ANKS1B: variants seen among roughly 807,000 people sequenced by gnomAD.
ANKS1B encodes ankyrin repeat and sterile alpha motif domain-containing protein 1B.
Under a neutral mutation model 148.3 loss-of-function variants are expected in ANKS1B, and 36 were observed. That is an observed-to-expected ratio of 0.24 (90% CI 0.19 to 0.32). The LOEUF (loss-of-function observed/expected upper bound fraction) is 0.32, where lower values mean the gene tolerates loss of function less well. ANKS1B is among the 10% of genes least tolerant of loss of function. The pLI, the probability that ANKS1B is intolerant of heterozygous loss-of-function variation, is 1.00. For missense variants in ANKS1B, 1,157 were observed against 1,542.6 expected (o/e 0.75, Z 4.19); for synonymous variants, 542 against 560.8 (o/e 0.97, Z 0.47).
intron 8 of ANKS1B, among the ~76,000 whole-genome samples, chr12:99,692,702 G>T (rs548330523): frequency 6.6e-6 from 1 of 150,574 alleles, no homozygotes; most frequent in Non-Finnish European, 1.5e-5. Context: ...AAAAAGAAAT[G>T]AATCAGGGAT....
At chr12:99,355,105 T>C (rs932190433) in intron 12 of ANKS1B, among the ~76,000 whole-genome samples, 1 of 152,160 alleles carries the variant, frequency 6.6e-6, no homozygotes, top group Non-Finnish European at 1.5e-5. Flanking sequence ...TGTTATTTCC[T>C]TTAATTGATA....
At chr12:99,422,666 T>C (rs1312645166) in intron 11 of ANKS1B, among the ~76,000 whole-genome samples, 3 of 152,096 alleles carry the variant, frequency 2.0e-5, no homozygotes, top group Non-Finnish European at 4.4e-5. Context: ...GTGTTCGGGA[T>C]ACAAAAAGGA....
At chr12:99,948,002 G>T (rs755347075) in intron 1 of ANKS1B, among the ~76,000 whole-genome samples, 2 of 152,086 alleles carry the variant, frequency 1.3e-5, no homozygotes, top group African/African-American at 2.4e-5. Flanking sequence ...CTGTTCAAAG[G>T]CCCATGTGAC....
At chr12:99,409,800 A>T (rs570802148) in intron 11 of ANKS1B, among the ~76,000 whole-genome samples, 3 of 139,004 alleles carry the variant, frequency 2.2e-5, no homozygotes, top group South Asian at 4.7e-4. Context: ...GATTTAATAT[A>T]ATTTTTACTA....
At chr12:99,275,336 G>A (rs930821474) in intron 12 of ANKS1B, among the ~76,000 whole-genome samples, 1 of 151,684 alleles carries the variant, frequency 6.6e-6, no homozygotes, top group Non-Finnish European at 1.5e-5. Context: ...ACCACCCCCT[G>A]TCCCCACTAT....
chr12:98,866,890 T>C (rs945073321), intron 17 of ANKS1B, among the ~76,000 whole-genome samples: 21 of 152,174 alleles, frequency 1.4e-4, no homozygotes, highest in Admixed American at 1.3e-3. Context: ...TTTTTTGGGC[T>C]CCCCTAGTAG....
intron 8 of ANKS1B, among the ~76,000 whole-genome samples, chr12:99,683,148 T>A (rs1174169852): frequency 6.6e-6 from 1 of 152,108 alleles, no homozygotes; most frequent in Admixed American, 6.6e-5. Flanking sequence ...AATTATCACC[T>A]ACTGGGTCCC....
intron 17 of ANKS1B, among the ~76,000 whole-genome samples, chr12:98,999,965 C>T (rs2099931927): frequency 6.6e-6 from 1 of 152,138 alleles, no homozygotes; most frequent in African/African-American, 2.4e-5. Flanking sequence ...GTGATGATCT[C>T]TTCCTAACTC....
intron 22 of ANKS1B, among the ~76,000 whole-genome samples, chr12:98,782,748 T>C (rs2098749899): frequency 6.6e-6 from 1 of 152,258 alleles, no homozygotes; most frequent in East Asian, 1.9e-4. Context: ...TGTTGTTGTA[T>C]ACAGGATGTG....
At chr12:99,828,788 A>T (rs2083527581) in intron 1 of ANKS1B, among the ~76,000 whole-genome samples, 1 of 152,036 alleles carries the variant, frequency 6.6e-6, no homozygotes, top group African/African-American at 2.4e-5. Flanking sequence ...TGGGCAGATT[A>T]CCTGGTCAAC....
intron 14 of ANKS1B, among the ~76,000 whole-genome samples, chr12:99,177,974 T>G (rs1454860936): frequency 1.3e-5 from 2 of 152,236 alleles, no homozygotes; most frequent in Non-Finnish European, 2.9e-5. Flanking sequence ...GTGGCACGTG[T>G]TCACTGCAAC....
chr12:99,228,987 CTTCT>C (rs1168224556), intron 14 of ANKS1B, among the ~76,000 whole-genome samples: 1 of 151,790 alleles, frequency 6.6e-6, no homozygotes, highest in Non-Finnish European at 1.5e-5. Context: ...TTTGGATATA[CTTCT>C]TTATTAAATA....
In ANKS1B at chr12:99,085,014, C is replaced by T; in HGVS notation, c.2536G>A (p.Val846Ile). 1 of 1,606,426 alleles carries T rather than the reference C, an allele frequency of 6.2e-7. No homozygotes were observed. The highest frequency in any genetic ancestry group is 1.1e-5 in the South Asian group (1 of 89,422). ...TCCAACAAATCCTGATCTTCCATAACATTGCTTCCCTGAAACAAAACAGAA... is the reference window on the plus strand; with the variant it reads ...TCCAACAAATCCTGATCTTCCATAATATTGCTTCCCTGAAACAAAACAGAA... ...FDNVQFMGSN[V>I]MEDQDLLEIG... The change falls in exon 16 of 27, where the codon GTT (valine) becomes ATT (isoleucine). Residue 846 changes from valine (V) to isoleucine (I), a missense_variant. Around this residue, in one of 6 missense-constraint regions of ANKS1B, gnomAD observed 258 missense variants for 497.0 expected, o/e 0.52. Transcript: ENST00000683438.
At chr12:99,965,853 A>C (rs1380180118) in intron 1 of ANKS1B, among the ~76,000 whole-genome samples, 1 of 152,200 alleles carries the variant, frequency 6.6e-6, no homozygotes, top group Non-Finnish European at 1.5e-5. Flanking sequence ...CAGAGCTTGC[A>C]GTGAGCCAAA....
At chr12:99,665,719 C>T (rs1204170834) in intron 8 of ANKS1B, among the ~76,000 whole-genome samples, 4 of 152,172 alleles carry the variant, frequency 2.6e-5, no homozygotes, top group African/African-American at 9.7e-5. Flanking sequence ...ATCTCCTGAC[C>T]TTGTGATCCG....
chr12:99,358,955 G>C (rs931644042), intron 12 of ANKS1B, among the ~76,000 whole-genome samples: 1 of 152,120 alleles, frequency 6.6e-6, no homozygotes, highest in Non-Finnish European at 1.5e-5. Flanking sequence ...AGCCATGGGG[G>C]AGAAAGAAAA....
intron 15 of ANKS1B, among the ~76,000 whole-genome samples, chr12:99,124,794 T>G (rs917288345): frequency 1.3e-5 from 2 of 151,764 alleles, no homozygotes; most frequent in Admixed American, 1.3e-4. Context: ...CAAGAGATAA[T>G]GGGGGTATTG....
chr12:99,400,115 T>C (rs1037357248), intron 11 of ANKS1B, among the ~76,000 whole-genome samples: 2 of 149,576 alleles, frequency 1.3e-5, no homozygotes, highest in Admixed American at 6.6e-5. Context: ...ATTTTGAAAG[T>C]TGCAATTTTA....
At chr12:99,221,471 A>C (rs887080510) in intron 14 of ANKS1B, among the ~76,000 whole-genome samples, 4 of 152,210 alleles carry the variant, frequency 2.6e-5, no homozygotes, top group Admixed American at 2.6e-4. Flanking sequence ...AATAAGAAAG[A>C]GCTCCTTTGC....
Sources: allele counts gnomAD v4.1 joint callset (sites outside exome capture counted in the v4.1 genomes callset), GRCh38; gene constraint gnomAD v4.1.1; regional missense constraint gnomAD v4.1.1; transcripts MANE v1.5; gene names NCBI Gene and HGNC (gene_info 2026-07-23, HGNC 2026-07-21).